The following L3MBTL4 variants were observed in gnomAD, a reference collection of about 807,000 sequenced individuals.
L3MBTL4 encodes L3MBTL histone methyl-lysine binding protein 4, also known as lethal(3)malignant brain tumor-like protein 4.
In L3MBTL4, 70 loss-of-function variants were observed where a neutral mutation model predicts 84.5. The observed-to-expected ratio is 0.83, with a 90% CI of 0.68 to 1.01. The LOEUF (loss-of-function observed/expected upper bound fraction) is 1.01. L3MBTL4 is among the 50% of genes least tolerant of loss of function. The pLI is 0.00. For synonymous variants in L3MBTL4, 274 were observed against 259.8 expected (o/e 1.05, Z -0.52); for missense variants, 715 against 754.8 (o/e 0.95, Z 0.62).
At chr18:6,400,226 C>T (rs955074861) in intron 1 of L3MBTL4, among the ~76,000 whole-genome samples, 1 of 152,162 alleles carries the variant, frequency 6.6e-6, no homozygotes, top group African/African-American at 2.4e-5. Context: ...ATTCAATATG[C>T]CAATTTCCTC....
chr18:6,193,664 T>C (rs1244366822), intron 12 of L3MBTL4, among the ~76,000 whole-genome samples: 1 of 152,072 alleles, frequency 6.6e-6, no homozygotes, highest in Non-Finnish European at 1.5e-5. Context: ...CGAGATACAG[T>C]TGGGCTGGTG....
intron 1 of L3MBTL4, among the ~76,000 whole-genome samples, chr18:6,384,842 A>G (rs989757858): frequency 6.6e-6 from 1 of 152,176 alleles, no homozygotes; most frequent in African/African-American, 2.4e-5. Context: ...CAGTCTGTGG[A>G]GAGGCTCACC....
chr18:6,373,316 C>T (rs1466921872), intron 1 of L3MBTL4, among the ~76,000 whole-genome samples: 1 of 152,142 alleles, frequency 6.6e-6, no homozygotes, highest in Non-Finnish European at 1.5e-5. Context: ...AAAGGGCAGT[C>T]AAAAGGCTGA....
intron 14 of L3MBTL4, among the ~76,000 whole-genome samples, chr18:6,103,105 A>G (rs1159633122): frequency 6.6e-6 from 1 of 152,236 alleles, no homozygotes; most frequent in African/African-American, 2.4e-5. Context: ...AATGTACTGT[A>G]AGTAATTTGT....
chr18:6,199,801 C>G (rs892788842), intron 12 of L3MBTL4, among the ~76,000 whole-genome samples: 1 of 152,112 alleles, frequency 6.6e-6, no homozygotes, highest in African/African-American at 2.4e-5. Flanking sequence ...AGCTTAAACA[C>G]AAAGAAGTAA....
intron 16 of L3MBTL4, among the ~76,000 whole-genome samples, chr18:6,013,008 A>G (rs2054805560): frequency 6.6e-6 from 1 of 152,096 alleles, no homozygotes; most frequent in Non-Finnish European, 1.5e-5. Context: ...ACAGTTCCTC[A>G]GGTCTTGGCT....
intron 4 of L3MBTL4, among the ~76,000 whole-genome samples, chr18:6,269,361 G>T (rs929838687): frequency 6.6e-6 from 1 of 152,102 alleles, no homozygotes; most frequent in African/African-American, 2.4e-5. Flanking sequence ...GGAGGCTGAG[G>T]CAGGAGAATG....
At chr18:6,232,091 A>G (rs1374524401) in intron 10 of L3MBTL4, among the ~76,000 whole-genome samples, 2 of 152,158 alleles carry the variant, frequency 1.3e-5, no homozygotes, top group East Asian at 3.9e-4. Context: ...TGTTTTTGTC[A>G]TGAAAGGGTG....
At chr18:5,963,416 A>G (rs2052162408) in intron 17 of L3MBTL4, among the ~76,000 whole-genome samples, 1 of 152,228 alleles carries the variant, frequency 6.6e-6, no homozygotes, top group African/African-American at 2.4e-5. Context: ...GTGTTAAACC[A>G]AAGCGTCAAC....
At chr18:6,143,898 G>A (rs2060267294) in intron 13 of L3MBTL4, among the ~76,000 whole-genome samples, 1 of 152,268 alleles carries the variant, frequency 6.6e-6, no homozygotes, top group African/African-American at 2.4e-5. Context: ...GTGGGAAAAT[G>A]ATAATAAAGA....
chr18:6,160,182 G>A (rs772660017), intron 13 of L3MBTL4, among the ~76,000 whole-genome samples: 8 of 152,162 alleles, frequency 5.3e-5, no homozygotes, highest in Non-Finnish European at 1.0e-4. Context: ...ACAGAGTGAG[G>A]AGCAAGGGTG....
At chr18:6,064,928 A>T (rs1006629108) in intron 16 of L3MBTL4, among the ~76,000 whole-genome samples, 2 of 151,994 alleles carry the variant, frequency 1.3e-5, no homozygotes, top group Non-Finnish European at 2.9e-5. Context: ...GTCTTGTTCC[A>T]GTTCTCAGGG....
chr18:6,115,081 GC>G (rs199594391), intron 14 of L3MBTL4, among the ~76,000 whole-genome samples: 2,397 of 137,438 alleles, frequency 0.017, 69 homozygotes, highest in African/African-American at 0.064. Context: ...AGCCAGAGAA[GC>G]AAGCTCATTT....
intron 16 of L3MBTL4, among the ~76,000 whole-genome samples, chr18:6,053,108 T>C (rs2056893573): frequency 6.6e-6 from 1 of 152,222 alleles, no homozygotes; most frequent in Non-Finnish European, 1.5e-5. Flanking sequence ...CATTTCCAGC[T>C]AGTGTTGGCT....
intron 15 of L3MBTL4, among the ~76,000 whole-genome samples, chr18:6,089,315 A>G (rs2058363190): frequency 6.6e-6 from 1 of 152,212 alleles, no homozygotes; most frequent in Non-Finnish European, 1.5e-5. Flanking sequence ...TATTATATAT[A>G]GTATAAATAA....
At chr18:6,048,353 T>G (rs1312384380) in intron 16 of L3MBTL4, among the ~76,000 whole-genome samples, 1 of 152,188 alleles carries the variant, frequency 6.6e-6, no homozygotes, top group South Asian at 2.1e-4. Flanking sequence ...AAACTACCAA[T>G]GTTATTTTTC....
chr18:6,328,705 A>G (rs2051854998), intron 1 of L3MBTL4, among the ~76,000 whole-genome samples: 1 of 152,234 alleles, frequency 6.6e-6, no homozygotes, highest in African/African-American at 2.4e-5. Flanking sequence ...CAGCAAATAA[A>G]AAACTAGTAC....
rs2047575658 is a variant in L3MBTL4 at position 6,244,481 on chromosome 18, T to C, written c.324+3A>G. 2 of 1,594,500 alleles carry C rather than the reference T, an allele frequency of 1.3e-6. No homozygotes were observed. Among genetic ancestry groups the C allele is most frequent in the Non-Finnish European group, 1.7e-6 (2 of 1,162,358 alleles). ...AGCCCAAGACAGTAACACCACCTCTTACCTCCGCTACAGAAAGCACACAGA... is the reference window on the plus strand; with the variant it reads ...AGCCCAAGACAGTAACACCACCTCTCACCTCCGCTACAGAAAGCACACAGA... On this transcript the variant is annotated splice_donor_region_variant and intron_variant, in intron 6 of 18. Coordinates refer to ENST00000317931, the MANE Select transcript of L3MBTL4 (RefSeq NM_001330559.2).
chr18:6,103,667 A>T (rs2143915673), intron 14 of L3MBTL4, among the ~76,000 whole-genome samples: 1 of 152,332 alleles, frequency 6.6e-6, no homozygotes, highest in South Asian at 2.1e-4. Flanking sequence ...AATTGTTAAC[A>T]GTTTCCTGAA....
Sources: gnomAD v4.1 joint callset for allele counts (sites outside exome capture counted in the v4.1 genomes callset) on GRCh38, gnomAD v4.1.1 for gene constraint, MANE v1.5 for transcripts, NCBI Gene and HGNC (gene_info 2026-07-23, HGNC 2026-07-21) for gene names.